SOX5: variants seen among roughly 807,000 people sequenced by gnomAD.
SOX5 encodes the protein SRY-box transcription factor 5.
A neutral mutation model predicts 92.0 loss-of-function variants in SOX5; 9 were observed. The ratio of observed to expected loss-of-function variants is 0.10; its 90% CI spans 0.06 to 0.17. The LOEUF (loss-of-function observed/expected upper bound fraction) is 0.17, where lower values mean the gene tolerates loss of function less well. Ranked by LOEUF, SOX5 falls within the 10% of genes least tolerant of loss-of-function variation. SOX5 has a pLI of 1.00. For missense variants in SOX5, 642 were observed against 944.5 expected, an observed-to-expected ratio of 0.68 and a Z score of 4.20; for synonymous variants, 344 against 336.3, an observed-to-expected ratio of 1.02 and a Z score of -0.25.
intron 3 of SOX5, among the ~76,000 whole-genome samples, chr12:23,805,446 T>C (rs778609079): frequency 1.3e-5 from 2 of 152,008 alleles, no homozygotes; most frequent in Non-Finnish European, 2.9e-5. Context: ...AAAAAACATA[T>C]GCTCAATAAA....
At chr12:23,906,361 A>T (rs532324211) in intron 1 of SOX5, among the ~76,000 whole-genome samples, 5 of 152,352 alleles carry the variant, frequency 3.3e-5, no homozygotes, top group African/African-American at 1.2e-4. Context: ...CCATTTGAGC[A>T]TGGGTTTTGC....
intron 4 of SOX5, among the ~76,000 whole-genome samples, chr12:23,963,135 AT>A (rs929890373): frequency 3.9e-5 from 6 of 152,194 alleles, no homozygotes; most frequent in Non-Finnish European, 8.8e-5. Context: ...AAACTGCACG[AT>A]TTCATAAAAG....
At chr12:23,708,032 C>G (rs537310280) in intron 6 of SOX5, among the ~76,000 whole-genome samples, 249 of 152,146 alleles carry the variant, frequency 1.6e-3, no homozygotes, top group African/African-American at 5.4e-3. Flanking sequence ...TAAATACTAT[C>G]TAGATTCTCC....
intron 2 of SOX5, among the ~76,000 whole-genome samples, chr12:23,862,336 G>A (rs2096765346): frequency 6.6e-6 from 1 of 152,052 alleles, no homozygotes; most frequent in Non-Finnish European, 1.5e-5. Context: ...CAATAATATT[G>A]AGAGAAGAAA....
chr12:24,339,214 G>A (rs1410212407), intron 2 of SOX5, among the ~76,000 whole-genome samples: 1 of 137,566 alleles, frequency 7.3e-6, no homozygotes, highest in Non-Finnish European at 1.6e-5. Context: ...GAGTTACTGA[G>A]AAAAAGTGCA....
chr12:24,148,784 G>T (rs1951367477), intron 4 of SOX5, among the ~76,000 whole-genome samples: 1 of 151,552 alleles, frequency 6.6e-6, no homozygotes, highest in Non-Finnish European at 1.5e-5. Context: ...CAGCTACTTG[G>T]AAGGCTGAGG....
intron 3 of SOX5, among the ~76,000 whole-genome samples, chr12:23,831,045 T>C (rs2096308654): frequency 1.3e-5 from 2 of 152,122 alleles, no homozygotes; most frequent in Non-Finnish European, 2.9e-5. Context: ...TAATAATACC[T>C]TCTTTAGCAC....
intron 1 of SOX5, among the ~76,000 whole-genome samples, chr12:24,494,671 G>A (rs76450414): frequency 0.018 from 2,758 of 152,232 alleles, 31 homozygotes; most frequent in Middle Eastern, 0.034. Flanking sequence ...GTTTCAGAGT[G>A]TAAGGCATAA....
chr12:24,294,602 T>C (rs1445272031), intron 2 of SOX5, among the ~76,000 whole-genome samples: 2 of 152,172 alleles, frequency 1.3e-5, no homozygotes, highest in African/African-American at 4.8e-5. Context: ...GTCACCAAAA[T>C]GCACAGCGTC....
intron 3 of SOX5, among the ~76,000 whole-genome samples, chr12:23,777,485 C>T (rs1191329463): frequency 6.6e-6 from 1 of 152,146 alleles, no homozygotes; most frequent in East Asian, 1.9e-4. Flanking sequence ...TTAATGAATT[C>T]AGACTCTTTT....
intron 2 of SOX5, among the ~76,000 whole-genome samples, chr12:24,280,072 A>G (rs1021247851): frequency 5.9e-5 from 9 of 152,134 alleles, no homozygotes; most frequent in African/African-American, 2.2e-4. Context: ...CCTAAAATCA[A>G]TACCTTACAA....
chr12:24,006,241 T>C (rs1952149106), intron 4 of SOX5, among the ~76,000 whole-genome samples: 1 of 152,174 alleles, frequency 6.6e-6, no homozygotes, highest in African/African-American at 2.4e-5. Context: ...TACAAAGTTG[T>C]CTGGAAAAGG....
intron 4 of SOX5, among the ~76,000 whole-genome samples, chr12:24,039,296 T>C (rs896318773): frequency 4.2e-5 from 6 of 142,312 alleles, no homozygotes; most frequent in African/African-American, 1.9e-4. Context: ...TGGCTATGAC[T>C]AAATAATTTC....
intron 3 of SOX5, among the ~76,000 whole-genome samples, chr12:23,771,666 T>C (rs2094939666): frequency 6.6e-6 from 1 of 152,152 alleles, no homozygotes; most frequent in South Asian, 2.1e-4. Context: ...ATACATCCAT[T>C]AAAAAGGTTA....
intron 1 of SOX5, among the ~76,000 whole-genome samples, chr12:24,383,999 A>G (rs1489987761): frequency 6.6e-6 from 1 of 152,052 alleles, no homozygotes. Flanking sequence ...ATGGTTTTAT[A>G]AGCGGCTTTT....
At chr12:23,720,496 C>T (rs566875303) in intron 6 of SOX5, among the ~76,000 whole-genome samples, 1 of 152,106 alleles carries the variant, frequency 6.6e-6, no homozygotes, top group Non-Finnish European at 1.5e-5. Context: ...TACTTTTATA[C>T]TAGAACATTA....
At chr12:23,856,424 C>A (rs1329619493) in intron 2 of SOX5, among the ~76,000 whole-genome samples, 1 of 152,086 alleles carries the variant, frequency 6.6e-6, no homozygotes, top group Non-Finnish European at 1.5e-5. Context: ...CTTAAAGGCA[C>A]TGTTGCAAAT....
intron 4 of SOX5, among the ~76,000 whole-genome samples, chr12:24,010,627 T>C (rs935810261): frequency 1.3e-5 from 2 of 152,154 alleles, no homozygotes; most frequent in South Asian, 2.1e-4. Context: ...GGAGAATCTT[T>C]CTTTAAAAAT....
rs79727287 is a variant in SOX5 at position 24,367,012 on chromosome 12, G to A, written c.-174+1551C>T. Among the ~76,000 whole-genome samples, 340 of 152,206 alleles carry A rather than the reference G, an allele frequency of 2.2e-3. 3 individuals are homozygous for A. The highest frequency in any genetic ancestry group is 7.5e-3 in the African/African-American group (313 of 41,548). Reference sequence around the variant, plus strand: ...GCCATGTAGTTAAGTTTCATTTAATGGTGAAACAAATTGAGATTTTGCTTA... The same window carrying A: ...GCCATGTAGTTAAGTTTCATTTAATAGTGAAACAAATTGAGATTTTGCTTA... On this transcript the variant is annotated intron_variant, in intron 2 of 4. Coordinates refer to the SOX5 transcript ENST00000446891.
Sources: allele counts gnomAD v4.1 joint callset (sites outside exome capture counted in the v4.1 genomes callset), GRCh38; gene constraint gnomAD v4.1.1; transcripts MANE v1.5; gene names NCBI Gene and HGNC (gene_info 2026-07-23, HGNC 2026-07-21).